Variants in UFL1 observed in about 807,000 individuals in gnomAD.
UFL1 encodes UFM1 specific ligase 1, also known as E3 UFM1-protein ligase 1.
UFL1 carries 78 observed loss-of-function variants against 99.3 expected under a neutral mutation model. That is an observed-to-expected ratio of 0.79 (90% CI 0.65 to 0.95). UFL1 has a LOEUF of 0.95. UFL1 is among the 40% of genes least tolerant of loss of function. The probability of loss-of-function intolerance (pLI) is 0.00; values close to 1 mark genes in which losing one functional copy is unlikely to be tolerated. For missense variants in UFL1, 936 were observed against 937.0 expected, an observed-to-expected ratio of 1.00 and a Z score of 0.01; for synonymous variants, 335 against 322.2, an observed-to-expected ratio of 1.04 and a Z score of -0.42.
chr6:96,529,262 G>A (rs1278123588), intron 6 of UFL1, among the ~76,000 whole-genome samples: 1 of 152,040 alleles, frequency 6.6e-6, no homozygotes, highest in African/African-American at 2.4e-5. Flanking sequence ...TCATCTCAGT[G>A]GCTATATGCC....
intron 12 of UFL1, among the ~76,000 whole-genome samples, chr6:96,546,903 A>G (rs1056999685): frequency 2.6e-5 from 4 of 151,656 alleles, no homozygotes; most frequent in Admixed American, 2.0e-4. Context: ...AAGAAAACCT[A>G]GGAAAAAATC....
At position 96,538,761 on chromosome 6, in the gene UFL1, A is replaced by G; in HGVS notation, c.1109A>G (p.Asn370Ser). ...DTVVVSEKFINDCTELFRELM... is the reference protein window; with the variant it reads ...DTVVVSEKFISDCTELFRELM... ...GTTGTAGTCAGTGAAAAATTTATAA[A>G]TGACTGTACAGAACTGTTCCGTGAG... Residue 370 changes from asparagine to serine, a missense_variant, in exon 10 of 19, where the codon AAT (asparagine) becomes AGT (serine). Physicochemically the swap from Asn to Ser is conservative, Grantham distance 46 (BLOSUM62 1). Transcript: ENST00000369278. 3.7e-6 allele frequency: 6 copies of G among 1,611,248 alleles called. No homozygotes were observed. Among genetic ancestry groups the G allele is most frequent in the Non-Finnish European group, 5.1e-6 (6 of 1,178,152 alleles).
At chr6:96,525,434 A>G (rs751246002) in intron 4 of UFL1, 40 bp downstream of exon 4, 1 of 1,473,158 alleles carries the variant, frequency 6.8e-7, no homozygotes, top group South Asian at 1.2e-5. Context: ...CACTTTGTTT[A>G]TTTTCTTTCT....
rs764776545 is a variant in UFL1, at chr6:96,521,879, G to T, written c.6G>T (p.Ala2=). 7 of 1,611,922 alleles carry T rather than the reference G, an allele frequency of 4.3e-6. No individual in the cohort carries two copies. Among genetic ancestry groups the T allele is most frequent in the Non-Finnish European group, 5.9e-6 (7 of 1,179,432 alleles). ...CTACTGCGAGTCAGGCCGTGATGGCGGACGCCTGGGAAGAGATTAGGCGGT... is the reference window on the plus strand; with the variant it reads ...CTACTGCGAGTCAGGCCGTGATGGCTGACGCCTGGGAAGAGATTAGGCGGT... M[A]DAWEEIRRLA... Residue 2 remains alanine, a synonymous_variant, in exon 1 of 19, where the codon GCG becomes GCT. Coordinates refer to ENST00000369278, the MANE Select transcript of UFL1 (RefSeq NM_015323.5).
intron 3 of UFL1, among the ~76,000 whole-genome samples, chr6:96,524,856 A>G (rs1769676539): frequency 6.6e-6 from 1 of 152,224 alleles, no homozygotes; most frequent in African/African-American, 2.4e-5. Context: ...TTACCAAGGT[A>G]CACTATAAAC....
chr6:96,533,088 A>T (rs1352048084), intron 6 of UFL1, among the ~76,000 whole-genome samples: 1 of 152,160 alleles, frequency 6.6e-6, no homozygotes, highest in African/African-American at 2.4e-5. Context: ...TCGTTTTGTT[A>T]TATGCATTAA....
intron 8 of UFL1, 63 bp from the exon 9 acceptor site, chr6:96,537,310 TA>T: frequency 7.0e-7 from 1 of 1,424,404 alleles, no homozygotes; most frequent in South Asian, 1.5e-5. Context: ...TTTAAGTCTT[TA>T]TTTTTCACTT....
intron 5 of UFL1, among the ~76,000 whole-genome samples, chr6:96,527,052 T>C (rs149715404): frequency 6.6e-6 from 1 of 152,196 alleles, no homozygotes; most frequent in Non-Finnish European, 1.5e-5. Flanking sequence ...CTTTAGGTAT[T>C]TGTGTCAGTA....
Position 96,554,810 on chromosome 6 carries a change from T to C in UFL1, c.*1307T>C, listed in dbSNP as rs562626747. 1.3e-5 allele frequency: 2 copies of C among 152,696 alleles called. No homozygotes were observed. Among genetic ancestry groups the C allele is most frequent in the Admixed American group, 6.5e-5 (1 of 15,296 alleles). 9.5% of individuals were successfully genotyped at this position (152,696 alleles called of 1,614,324 possible). ...CGCAACATTAAATTTAAAAATGTTT[T>C]CCCGTGGGTAATTTTCTATTATATA... On this transcript the variant is annotated 3_prime_UTR_variant, in exon 19 of 19. Coordinates refer to ENST00000369278, the MANE Select transcript of UFL1 (RefSeq NM_015323.5).
In UFL1 at chr6:96,526,480, T is replaced by C. The variant is rs367987328; in HGVS notation, c.465+45T>C. On this transcript the variant is annotated intron_variant, in intron 5 of 18. Coordinates refer to ENST00000369278, the MANE Select transcript of UFL1 (RefSeq NM_015323.5). ...TACAATGTGTCTTTTTACCAAAGGA[T>C]TTTAAACGAAGACTTTGAATGGAAG... The C allele has an allele frequency of 1.1e-5, 17 of 1,506,948 alleles. No individual in the cohort carries two copies. The African/African-American group carries it at 2.2e-4, about 20-fold the overall frequency. 93.3% of individuals were successfully genotyped at this position (1,506,948 alleles called of 1,614,324 possible). A position where few individuals can be genotyped will look rare whatever the true frequency, so the allele number is the denominator to read the frequency against.
In UFL1 at chr6:96,536,225, C is replaced by CAT. The variant is rs1194030206; in HGVS notation, c.656-18_656-17dup. 6.3e-7 allele frequency: 1 copy of CAT among 1,599,022 alleles called. No individual in the cohort carries two copies. Among genetic ancestry groups the CAT allele is most frequent in the Admixed American group, 1.7e-5 (1 of 59,654 alleles). On this transcript the variant is annotated intron_variant, in intron 7 of 18. Coordinates refer to ENST00000369278, the MANE Select transcript of UFL1 (RefSeq NM_015323.5). ...ATACCTGGTCTGATTTATTTGTATT[C>CAT]ATGTGGGTTTGTTTTAAGCTGTGCT... is the stretch of plus-strand genomic sequence containing the variant.
intron 1 of UFL1, 117 bp from the exon 2 acceptor site, chr6:96,523,029 G>A: frequency 1.1e-6 from 1 of 930,890 alleles, no homozygotes; most frequent in Non-Finnish European, 1.5e-6. Flanking sequence ...ATATTGTGAT[G>A]TAGAAGTTAG....
intron 3 of UFL1, 96 bp downstream of exon 3, chr6:96,524,506 G>T: frequency 1.1e-6 from 1 of 935,314 alleles, no homozygotes. Flanking sequence ...ATCATATTTT[G>T]TGTAGTGTTT....
At chr6:96,522,256 C>G (rs1313921093) in intron 1 of UFL1, among the ~76,000 whole-genome samples, 1 of 152,146 alleles carries the variant, frequency 6.6e-6, no homozygotes, top group Non-Finnish European at 1.5e-5. Context: ...CTTTGACCCT[C>G]CCTCACCCAC....
At chr6:96,521,992 CGTGGGCGGACACGCCT>C in intron 1 of UFL1, 42 bp downstream of exon 1, 3 of 1,583,782 alleles carry the variant, frequency 1.9e-6, no homozygotes, top group Non-Finnish European at 2.6e-6. Flanking sequence ...CAAATTAGGC[CGTGGGCGGACACGCCT>C]GTATCTGGGA....
chr6:96,534,154 T>A, intron 6 of UFL1, 109 bp from the exon 7 acceptor site: 1 of 689,854 alleles, frequency 1.4e-6, no homozygotes, highest in Non-Finnish European at 2.0e-6. Flanking sequence ...ACTTTATTTT[T>A]TCTTTTAAAC....
At position 96,535,278 on chromosome 6, in the gene UFL1, T is replaced by C. The variant is rs572297954; in HGVS notation, c.655+957T>C. On this transcript the variant is annotated intron_variant, in intron 7 of 18. Coordinates refer to ENST00000369278, the MANE Select transcript of UFL1 (RefSeq NM_015323.5). ...ACAGACTAATTTTCATTAGCCTTTC[T>C]TTTTGCCAATCATCTTTTGAATGTG... 2.0e-5 allele frequency among the ~76,000 whole-genome samples: 3 copies of C among 152,160 alleles called. No homozygotes were observed. The South Asian group carries it at 6.2e-4, about 32-fold the overall frequency.
rs1451506267 is a variant in UFL1, at chr6:96,554,367, G to A, written c.*864G>A. 6.6e-6 allele frequency: 1 copy of A among 152,172 alleles called. No homozygotes were observed. Among genetic ancestry groups the A allele is most frequent in the East Asian group, 1.9e-4 (1 of 5,186 alleles). 9.4% of individuals were successfully genotyped at this position (152,172 alleles called of 1,614,324 possible). ...TAAATACTAGTGTGAAAAACAGATA[G>A]GATGCCTTTTCCAGTGGTAGGAGCA... On this transcript the variant is annotated 3_prime_UTR_variant, in exon 19 of 19. Coordinates refer to ENST00000369278, the MANE Select transcript of UFL1 (RefSeq NM_015323.5).
chr6:96,549,370 C>T, intron 13 of UFL1, 42 bp from the exon 14 acceptor site: 1 of 1,484,426 alleles, frequency 6.7e-7, no homozygotes, highest in Non-Finnish European at 9.1e-7. Flanking sequence ...TATAAATACT[C>T]AGTACATTTT....
Sources: allele counts gnomAD v4.1 joint callset (sites outside exome capture counted in the v4.1 genomes callset), GRCh38; gene constraint gnomAD v4.1.1; transcripts MANE v1.5; gene names NCBI Gene and HGNC (gene_info 2026-07-23, HGNC 2026-07-21).